Variants in ELP5 observed in about 807,000 individuals in gnomAD.
ELP5 encodes elongator complex protein 5.
Under a neutral mutation model 33.4 loss-of-function variants are expected in ELP5, and 34 were observed. That is an observed-to-expected ratio of 1.02 (90% confidence interval 0.78 to 1.36). The LOEUF is 1.36. Ranked by LOEUF, ELP5 falls within the 40% of genes most tolerant of loss-of-function variation. The pLI is 0.00. For missense variants in ELP5, 373 were observed against 371.7 expected, an observed-to-expected ratio of 1.00 and a Z score of -0.03; for synonymous variants, 161 against 146.4, an observed-to-expected ratio of 1.10 and a Z score of -0.72.
chr17:7,254,575 C>T lies in ELP5; in HGVS notation c.189-8C>T, dbSNP rs1348031709. ...AATATTATATTGTGTCTTATTTTCCCTTTGCAGGCTGGTTTACCATGACTT... is the reference window on the plus strand; with the variant it reads ...AATATTATATTGTGTCTTATTTTCCTTTTGCAGGCTGGTTTACCATGACTT... On this transcript the variant is annotated splice_region_variant and splice_polypyrimidine_tract_variant and intron_variant, in intron 3 of 7. Transcript: ENST00000396628. 2.5e-6 allele frequency: 4 copies of T among 1,601,692 alleles called. No individual in the cohort carries two copies. The African/African-American group carries it at 5.4e-5, about 21-fold the overall frequency.
intron 3 of ELP5, among the ~76,000 whole-genome samples, chr17:7,254,369 G>A (rs1406103707): frequency 6.6e-6 from 1 of 152,166 alleles, no homozygotes. Flanking sequence ...AGCTGACCTT[G>A]GGCAAGTAGC....
chr17:7,259,083 A>C, intron 7 of ELP5, 157 bp downstream of exon 7: 2 of 1,461,652 alleles, frequency 1.4e-6, no homozygotes, highest in Non-Finnish European at 9.0e-7. Context: ...CATTCCCCCT[A>C]TAATGGCAGA....
In ELP5 at chr17:7,252,798, C is replaced by T. The variant is rs765373192; in HGVS notation, c.75C>T (p.Leu25=). ...RDSVEWEGRS[L]LKALVKKSAL... ...CCGTGGAGTGGGAGGGGCGCAGTCT[C>T]TTGAAGGCGCTTGTCAAGAAATCTG... Residue 25 remains leucine, a synonymous_variant, in exon 2 of 8, where the codon CTC becomes CTT. Transcript: ENST00000396628. 2 of 1,614,256 alleles carry T rather than the reference C, an allele frequency of 1.2e-6. No individual in the cohort carries two copies. The highest frequency in any genetic ancestry group is 1.7e-6 in the Non-Finnish European group (2 of 1,180,038).
In ELP5 at chr17:7,258,580, C is replaced by T; in HGVS notation, c.592-8C>T. 1.2e-6 allele frequency: 2 copies of T among 1,608,620 alleles called. No homozygotes were observed. The highest frequency in any genetic ancestry group is 1.7e-6 in the Non-Finnish European group (2 of 1,178,146). ...GATGAAAAAAACTCTTTTCTTTTTT[C>T]TCTCCAGACTCAGTGGTTCTCCATC... On this transcript the variant is annotated splice_region_variant and splice_polypyrimidine_tract_variant and intron_variant, in intron 5 of 7. Coordinates refer to ENST00000396628, the MANE Select transcript of ELP5 (RefSeq NM_203414.3).
At position 7,259,801 on chromosome 17, in the gene ELP5, C is replaced by T. The variant is rs894812447; in HGVS notation, c.*116C>T. ...CTGTCCCTGCCCCACCTTGGTTCCCCTTGTCTATGGAGCCCCGCCTTGTGA... is the reference window on the plus strand; with the variant it reads ...CTGTCCCTGCCCCACCTTGGTTCCCTTTGTCTATGGAGCCCCGCCTTGTGA... On this transcript the variant is annotated 3_prime_UTR_variant, in exon 8 of 8. Transcript: ENST00000396628. The T allele has an allele frequency of 4.7e-6, 7 of 1,494,450 alleles. No homozygotes were observed. Among genetic ancestry groups the T allele is most frequent in the Non-Finnish European group, 5.4e-6 (6 of 1,121,406 alleles). The allele number at this position is 1,494,450 out of a possible 1,614,324, so 92.6% of individuals were successfully genotyped here. A position where few individuals can be genotyped will look rare whatever the true frequency, so the allele number is the denominator to read the frequency against.
intron 6 of ELP5, 65 bp from the exon 7 acceptor site, chr17:7,258,761 A>T: frequency 6.2e-7 from 1 of 1,613,540 alleles, no homozygotes; most frequent in Middle Eastern, 1.6e-4. Context: ...AAAGCTGCAG[A>T]GGTTGGGGGT....
chr17:7,256,974 G>A lies in ELP5; in HGVS notation c.527G>A (p.Gly176Asp). ...GCTCAGACTGAGGTGACCCTGGGCG[G>A]TACCATGGGCCAGGCCTCGGCCCAC... ...SLAQTEVTLG[G>D]TMGQASAHIL... The change falls in exon 5 of 8, where the codon GGT becomes GAT. Residue 176 changes from glycine (G) to aspartate (D), a missense_variant. Physicochemically the swap from Gly to Asp is moderately conservative, Grantham distance 94 (BLOSUM62 -1). Coordinates refer to ENST00000396628, the MANE Select transcript of ELP5 (RefSeq NM_203414.3). 1 of 1,612,758 alleles carries A rather than the reference G, an allele frequency of 6.2e-7. No homozygotes were observed. The highest frequency in any genetic ancestry group is 8.5e-7 in the Non-Finnish European group (1 of 1,179,912).
At chr17:7,254,939 G>GTT (rs5819150) in intron 4 of ELP5, 136 bp downstream of exon 4, 247 of 536,820 alleles carry the variant, frequency 4.6e-4, no homozygotes, top group South Asian at 8.5e-4. Context: ...TTTTTTGTCT[G>GTT]TTTTTTTTTT....
chr17:7,259,604 G>A lies in ELP5; in HGVS notation c.822G>A (p.Gln274=), dbSNP rs975948432. Residue 274 remains glutamine, a synonymous_variant, in exon 8 of 8, where the codon CAG becomes CAA. Transcript: ENST00000396628. ...QQALLRPRPG[Q]ATSHIFYEPD... ...CTCTCCTGCGGCCTAGGCCAGGGCA[G>A]GCTACCAGCCACATCTTCTATGAGC... The A allele has an allele frequency of 6.2e-7, 1 of 1,614,250 alleles. No homozygotes were observed.
At chr17:7,259,043 C>G in intron 7 of ELP5, 117 bp downstream of exon 7, 1 of 1,504,606 alleles carries the variant, frequency 6.6e-7, no homozygotes, top group Non-Finnish European at 8.8e-7. Context: ...AAGTCCACCT[C>G]CAGAGACAAG....
chr17:7,252,738 C>T lies in ELP5; in HGVS notation c.47-32C>T, dbSNP rs952524718. 9 of 1,613,878 alleles carry T rather than the reference C, an allele frequency of 5.6e-6. No individual in the cohort carries two copies. The African/African-American group carries it at 1.1e-4, about 19-fold the overall frequency. ...TCGCGAAGGCGGTAATCCCAGCGCT[C>T]TCATACCCTTTATCCGTCCCTCGCT... On this transcript the variant is annotated intron_variant, in intron 1 of 7. Coordinates refer to ENST00000396628, the MANE Select transcript of ELP5 (RefSeq NM_203414.3).
chr17:7,258,550 AG>A, intron 5 of ELP5, 37 bp from the exon 6 acceptor site: 1 of 1,600,266 alleles, frequency 6.2e-7, no homozygotes, highest in Non-Finnish European at 8.6e-7. Context: ...TAGTTTCTTC[AG>A]TAAGATGAAA....
At chr17:7,255,045 C>T in intron 4 of ELP5, 1 of 570,162 alleles carries the variant, frequency 1.8e-6, no homozygotes, top group South Asian at 2.3e-5. Flanking sequence ...TTTAACAAAT[C>T]AATAGTAAAT....
rs2072097245 is a variant in ELP5, at chr17:7,257,182, G to A, written c.591+144G>A. On this transcript the variant is annotated intron_variant, in intron 5 of 7. Coordinates refer to ENST00000396628, the MANE Select transcript of ELP5 (RefSeq NM_203414.3). ...GATGGGGTTTCACTGTGTTGGTCAG[G>A]GTGGTCTCAAACTTCTGGGCTCAAG... The A allele has an allele frequency of 5.3e-6, 5 of 934,690 alleles. No individual in the cohort carries two copies. The East Asian group carries it at 1.1e-4, about 21-fold the overall frequency. The allele number at this position is 934,690 out of a possible 1,614,324, so 57.9% of individuals were successfully genotyped here.
intron 7 of ELP5, 44 bp downstream of exon 7, chr17:7,258,970 G>C: frequency 6.2e-7 from 1 of 1,613,222 alleles, no homozygotes; most frequent in Non-Finnish European, 8.5e-7. Flanking sequence ...GTAGATCCCA[G>C]CATCTGGGCC....
intron 3 of ELP5, among the ~76,000 whole-genome samples, chr17:7,254,096 G>T (rs1488669404): frequency 6.6e-6 from 1 of 151,916 alleles, no homozygotes; most frequent in Non-Finnish European, 1.5e-5. Flanking sequence ...TTCCTGAGCT[G>T]TTTTTTCTGT....
intron 5 of ELP5, 55 bp from the exon 6 acceptor site, chr17:7,258,533 G>A: frequency 6.4e-7 from 1 of 1,555,532 alleles, no homozygotes; most frequent in Non-Finnish European, 8.8e-7. Flanking sequence ...AGGTCCTGGA[G>A]TCTGTCTAGT....
Position 7,257,023 on chromosome 17 carries a change from G to A in ELP5, c.576G>A (p.Gln192=). 1 of 1,593,514 alleles carries A rather than the reference G, an allele frequency of 6.3e-7. No individual in the cohort carries two copies. ...SAHILCRRPR[Q]RPTDQTQWFS... The stretch of plus-strand genomic sequence containing the variant: ...ACATCCTGTGTCGGAGGCCCCGACA[G>A]CGCCCAACTGACCAGGTCAGAAGAA... The change falls in exon 5 of 8, where the codon CAG becomes CAA. Residue 192 remains glutamine (Q), a synonymous_variant. Transcript: ENST00000396628.
At chr17:7,257,625 T>C (rs2072107062) in intron 5 of ELP5, among the ~76,000 whole-genome samples, 1 of 151,894 alleles carries the variant, frequency 6.6e-6, no homozygotes. Context: ...TTTATACAGA[T>C]GAGATCTCAC....
Sources: allele counts gnomAD v4.1 joint callset (sites outside exome capture counted in the v4.1 genomes callset), GRCh38; gene constraint gnomAD v4.1.1; transcripts MANE v1.5; gene names NCBI Gene and HGNC (gene_info 2026-07-23, HGNC 2026-07-21).